The following ANKRD36C variants were observed in gnomAD, a reference collection of about 807,000 sequenced individuals.
The protein encoded by ANKRD36C is ankyrin repeat domain-containing protein 36C.
A neutral mutation model predicts 276.4 loss-of-function variants in ANKRD36C; 61 were observed. The ratio of observed to expected loss-of-function variants is 0.22; its 90% CI spans 0.18 to 0.27. The LOEUF is 0.27. ANKRD36C is among the 10% of genes least tolerant of loss of function. The pLI is 1.00. For missense variants in ANKRD36C, 1,447 were observed against 2,032.3 expected (o/e 0.71, Z 5.54); for synonymous variants, 483 against 680.1 (o/e 0.71, Z 4.51).
chr2:95,861,094 T>G (rs79706830), intron 60 of ANKRD36C, among the ~76,000 whole-genome samples: 11 of 152,042 alleles, frequency 7.2e-5, no homozygotes, highest in Non-Finnish European at 1.3e-4. Flanking sequence ...CCTCAGGAGT[T>G]AGGAATTACC....
intron 40 of ANKRD36C, 41 bp downstream of exon 42, chr2:95,914,067 A>G: frequency 6.6e-7 from 1 of 1,512,194 alleles, no homozygotes; most frequent in Non-Finnish European, 9.0e-7. Flanking sequence ...TTTCTTATCT[A>G]TCTCGACTGA....
intron 6 of ANKRD36C, among the ~76,000 whole-genome samples, chr2:95,967,026 G>T (rs1381548006): frequency 6.6e-6 from 1 of 152,220 alleles, no homozygotes; most frequent in Non-Finnish European, 1.5e-5. Context: ...CTATGAGGAA[G>T]TTGCTTATCA....
At chr2:95,939,324 A>G (rs548060925) in intron 20 of ANKRD36C, among the ~76,000 whole-genome samples, 1 of 152,378 alleles carries the variant, frequency 6.6e-6, no homozygotes, top group Admixed American at 6.5e-5. Flanking sequence ...ATGAAGCCAA[A>G]AAAGATGACG....
chr2:95,869,638 T>C (rs1016274778), intron 59 of ANKRD36C, among the ~76,000 whole-genome samples: 27 of 152,294 alleles, frequency 1.8e-4, no homozygotes, highest in African/African-American at 5.5e-4. Context: ...TTCATCTCAC[T>C]AAAGAGTGCC....
At chr2:95,946,156 G>GAAAAAAAAAAAAAAAAAAAAAAAAAAA (rs56964568) in intron 17 of ANKRD36C, among the ~76,000 whole-genome samples, 6 of 73,300 alleles carry the variant, frequency 8.2e-5, no homozygotes, top group African/African-American at 1.5e-4. Context: ...ACAGAGAGAG[G>GAAAAAAAAAAAAAAAAAAAAAAAAAAA]AAAAAAAAAA....
chr2:95,952,867 A>T (rs1678232940), intron 14 of ANKRD36C, among the ~76,000 whole-genome samples: 1 of 152,288 alleles, frequency 6.6e-6, no homozygotes, highest in Admixed American at 6.5e-5. Flanking sequence ...GCAAGACCTT[A>T]TTCTGTGTAT....
At chr2:95,890,059 T>C in intron 46 of ANKRD36C, 65 bp from the exon 67 acceptor site, 1 of 1,560,724 alleles carries the variant, frequency 6.4e-7, no homozygotes, top group Non-Finnish European at 8.8e-7. Flanking sequence ...CATACATTCA[T>C]ACAGTGTTAG....
At chr2:95,924,838 C>T (rs1265069080) in intron 30 of ANKRD36C, among the ~76,000 whole-genome samples, 1 of 151,456 alleles carries the variant, frequency 6.6e-6, no homozygotes, top group Non-Finnish European at 1.5e-5. Context: ...CAGCAGAAAC[C>T]CCAAAATTAC....
chr2:95,910,046 T>G (rs1300265762), intron 42 of ANKRD36C, among the ~76,000 whole-genome samples: 1 of 151,286 alleles, frequency 6.6e-6, no homozygotes, highest in African/African-American at 2.4e-5. Flanking sequence ...AATCGATACT[T>G]CCTCTCTTTC....
At position 95,910,713 on chromosome 2, in the gene ANKRD36C, G is replaced by C. The variant is rs1676891165; in HGVS notation, c.2653+1531C>G. ...GCTTCTACTTTGTGTCTGGGGACTA[G>C]AACATGACAGAAGTACACTGAGAAA... On this transcript the variant is annotated intron_variant, in intron 42 of 66. Coordinates refer to ENST00000456556, the Ensembl canonical transcript of ANKRD36C. 1.7e-5 allele frequency: 24 copies of C among 1,441,808 alleles called. No individual in the cohort carries two copies. The South Asian group carries it at 2.8e-4, about 17-fold the overall frequency. 89.3% of individuals were successfully genotyped at this position (1,441,808 alleles called of 1,614,324 possible). A position where few individuals can be genotyped will look rare whatever the true frequency, so the allele number is the denominator to read the frequency against.
intron 42 of ANKRD36C, among the ~76,000 whole-genome samples, chr2:95,908,257 C>T (rs1484257846): frequency 1.3e-5 from 2 of 150,196 alleles, no homozygotes; most frequent in Non-Finnish European, 3.0e-5. Context: ...GCCCCTTATG[C>T]CTTGAACTGC....
chr2:95,853,669 A>G (rs773750456), intron 64 of ANKRD36C, 40 bp downstream of exon 84: 2 of 1,552,846 alleles, frequency 1.3e-6, no homozygotes, highest in Non-Finnish European at 1.7e-6. Context: ...TTAACTAGCT[A>G]CAGATTAACA....
At chr2:95,913,275 G>C (rs889232138) in intron 40 of ANKRD36C, among the ~76,000 whole-genome samples, 2 of 150,086 alleles carry the variant, frequency 1.3e-5, no homozygotes, top group African/African-American at 2.4e-5. Context: ...CATCATTCTT[G>C]TGTCTAAAAT....
At chr2:95,910,912 A>G (rs1676900024) in intron 42 of ANKRD36C, among the ~76,000 whole-genome samples, 1 of 151,074 alleles carries the variant, frequency 6.6e-6, no homozygotes, top group African/African-American at 2.4e-5. Context: ...ATCAATGTCA[A>G]AGCAGGTGCC....
At chr2:95,924,792 C>T (rs1016529278) in intron 30 of ANKRD36C, among the ~76,000 whole-genome samples, 1 of 151,612 alleles carries the variant, frequency 6.6e-6, no homozygotes, top group Non-Finnish European at 1.5e-5. Flanking sequence ...TGCAAACATT[C>T]TAAATGCATC....
intron 6 of ANKRD36C, among the ~76,000 whole-genome samples, chr2:95,975,815 G>T (rs1242245094): frequency 6.6e-6 from 1 of 152,038 alleles, no homozygotes; most frequent in Non-Finnish European, 1.5e-5. Flanking sequence ...CCCATCAAAA[G>T]AAACTACCAT....
intron 3 of ANKRD36C, among the ~76,000 whole-genome samples, chr2:95,983,882 C>T (rs1207978570): frequency 4.6e-5 from 7 of 151,470 alleles, no homozygotes; most frequent in East Asian, 3.9e-4. Context: ...TCCCAAAGTG[C>T]TAGGATTACA....
intron 61 of ANKRD36C, among the ~76,000 whole-genome samples, chr2:95,859,129 G>T (rs1196907906): frequency 2.0e-5 from 3 of 152,016 alleles, no homozygotes; most frequent in Non-Finnish European, 2.9e-5. Flanking sequence ...TGCCTCCCAG[G>T]TTCATGCGAT....
intron 38 of ANKRD36C, among the ~76,000 whole-genome samples, chr2:95,915,643 T>C (rs1308342687): frequency 6.6e-6 from 1 of 151,500 alleles, no homozygotes; most frequent in East Asian, 2.0e-4. Flanking sequence ...GTGACGTCTG[T>C]AAAATCTGTA....
Sources: gnomAD v4.1 joint callset for allele counts (sites outside exome capture counted in the v4.1 genomes callset) on GRCh38, gnomAD v4.1.1 for gene constraint, MANE v1.5 for transcripts, NCBI Gene and HGNC (gene_info 2026-07-23, HGNC 2026-07-21) for gene names.